Variants in DOCK9 observed in about 807,000 individuals in gnomAD.
DOCK9 encodes dedicator of cytokinesis 9.
Under a neutral mutation model 263.3 loss-of-function variants are expected in DOCK9, and 89 were observed. The ratio of observed to expected loss-of-function variants is 0.34; its 90% confidence interval spans 0.28 to 0.40. The LOEUF is 0.40. Among genes scored for constraint, DOCK9 ranks in the 10% least tolerant of loss-of-function variants. The probability of loss-of-function intolerance (pLI) is 1.00; values close to 1 mark genes in which losing one functional copy is unlikely to be tolerated. For missense variants in DOCK9, 2,140 were observed against 2,603.4 expected, an observed-to-expected ratio of 0.82 and a Z score of 3.87; for synonymous variants, 976 against 973.1, an observed-to-expected ratio of 1.00 and a Z score of -0.06.
chr13:98,890,874 G>T (rs1426916222), intron 15 of DOCK9, among the ~76,000 whole-genome samples: 5 of 152,100 alleles, frequency 3.3e-5, no homozygotes, highest in Non-Finnish European at 7.3e-5. Flanking sequence ...TTCTCTCAGG[G>T]TCCCTCCCTC....
chr13:98,910,308 G>C (rs1345023479), intron 9 of DOCK9, among the ~76,000 whole-genome samples: 1 of 152,140 alleles, frequency 6.6e-6, no homozygotes. Context: ...ATATTTATAA[G>C]ACTGATGCTA....
chr13:99,022,602 T>C (rs1886248284), intron 1 of DOCK9, among the ~76,000 whole-genome samples: 1 of 152,018 alleles, frequency 6.6e-6, no homozygotes, highest in African/African-American at 2.4e-5. Context: ...TCAAAAGAAA[T>C]GAGAGAATCT....
intron 1 of DOCK9, among the ~76,000 whole-genome samples, chr13:98,959,966 G>A (rs1209631032): frequency 1.3e-5 from 2 of 152,186 alleles, no homozygotes; most frequent in Admixed American, 1.3e-4. Flanking sequence ...TGGAGGCGGG[G>A]ACAGCCCACT....
intron 1 of DOCK9, among the ~76,000 whole-genome samples, chr13:99,023,308 T>C (rs1180913951): frequency 6.6e-6 from 1 of 152,238 alleles, no homozygotes; most frequent in African/African-American, 2.4e-5. Flanking sequence ...AGCCTTAAAA[T>C]GCAAGAAATT....
chr13:98,834,144 T>C (rs2092891621), intron 39 of DOCK9, among the ~76,000 whole-genome samples: 1 of 152,232 alleles, frequency 6.6e-6, no homozygotes, highest in African/African-American at 2.4e-5. Context: ...ACATGGTCTC[T>C]TATGGTGCTT....
At chr13:98,974,748 CAA>C (rs57196019) in intron 1 of DOCK9, among the ~76,000 whole-genome samples, 77 of 33,214 alleles carry the variant, frequency 2.3e-3, no homozygotes, top group African/African-American at 6.8e-3. Flanking sequence ...AACTCTGTCT[CAA>C]AAAAAAAAAA....
chr13:99,044,804 G>A (rs551482655), intron 1 of DOCK9, among the ~76,000 whole-genome samples: 1 of 152,230 alleles, frequency 6.6e-6, no homozygotes, highest in South Asian at 2.1e-4. Context: ...AAAACCAAAA[G>A]GACTGTCACC....
At chr13:98,963,819 G>A (rs1236478687) in intron 1 of DOCK9, among the ~76,000 whole-genome samples, 1 of 152,190 alleles carries the variant, frequency 6.6e-6, no homozygotes, top group East Asian at 1.9e-4. Flanking sequence ...ATGGCAGCTT[G>A]CAACAAAAAG....
intron 1 of DOCK9, among the ~76,000 whole-genome samples, chr13:98,994,125 T>C (rs1880452408): frequency 1.3e-5 from 2 of 152,266 alleles, no homozygotes; most frequent in South Asian, 2.1e-4. Context: ...GACTAGACTT[T>C]ATCTACTTTA....
At position 98,939,667 on chromosome 13, in the gene DOCK9, G is replaced by C. The variant is rs141909169; in HGVS notation, c.244-9410C>G. Among the ~76,000 whole-genome samples, 237 of 152,286 alleles carry C rather than the reference G, an allele frequency of 1.6e-3. 3 individuals are homozygous for C. The highest frequency in any genetic ancestry group is 5.3e-3 in the African/African-American group (222 of 41,574). ...CCAAAAAGCAAAGCCCAGGAGGTTC[G>C]AGCAAGACTGAGCTCTTCAGGAGCA... On this transcript the variant is annotated intron_variant, in intron 2 of 52. Transcript: ENST00000682017.
At chr13:98,804,884 G>C (rs2090508678) in intron 49 of DOCK9, 115 bp downstream of exon 49, 2 of 987,564 alleles carry the variant, frequency 2.0e-6, no homozygotes, top group Non-Finnish European at 1.5e-6. Context: ...AATGGGTGTG[G>C]GGGTGGCTAA....
intron 1 of DOCK9, among the ~76,000 whole-genome samples, chr13:99,058,185 G>A (rs935091833): frequency 7.0e-6 from 1 of 143,884 alleles, no homozygotes; most frequent in Non-Finnish European, 1.5e-5. Context: ...TTTTTTTTGA[G>A]ATGGAGTCTC....
intron 33 of DOCK9, 28 bp from the exon 34 acceptor site, chr13:98,856,059 G>A: frequency 6.2e-7 from 1 of 1,611,700 alleles, no homozygotes; most frequent in Non-Finnish European, 8.5e-7. Context: ...CAACAATAAA[G>A]TTTTATTAAG....
At chr13:98,796,112 A>G in intron 52 of DOCK9, 1 of 958,554 alleles carries the variant, frequency 1.0e-6, no homozygotes, top group Non-Finnish European at 1.6e-6. Flanking sequence ...ATGTACTGTC[A>G]TTATGCCAAT....
At chr13:98,814,247 G>A (rs1473162420) in intron 45 of DOCK9, among the ~76,000 whole-genome samples, 1 of 152,132 alleles carries the variant, frequency 6.6e-6, no homozygotes, top group Non-Finnish European at 1.5e-5. Flanking sequence ...TTATTAAAAG[G>A]TACATCAGTT....
chr13:98,964,722 C>T (rs1475254701), intron 1 of DOCK9, among the ~76,000 whole-genome samples: 1 of 152,072 alleles, frequency 6.6e-6, no homozygotes, highest in Non-Finnish European at 1.5e-5. Context: ...GGCTTGGGGT[C>T]CCAGGCTCCA....
chr13:98,972,705 T>TA (rs1201052177), intron 1 of DOCK9, among the ~76,000 whole-genome samples: 1 of 152,186 alleles, frequency 6.6e-6, no homozygotes, highest in South Asian at 2.1e-4. Context: ...TGTTAGCTGC[T>TA]AAAAAATCTG....
At chr13:99,082,132 T>C (rs983593002) in intron 1 of DOCK9, among the ~76,000 whole-genome samples, 1 of 151,842 alleles carries the variant, frequency 6.6e-6, no homozygotes, top group Non-Finnish European at 1.5e-5. Context: ...GGTAAGAGGA[T>C]TGCTTGTACC....
At chr13:98,962,651 AG>A (rs1291798891) in intron 1 of DOCK9, among the ~76,000 whole-genome samples, 4 of 143,578 alleles carry the variant, frequency 2.8e-5, no homozygotes, top group Non-Finnish European at 4.8e-5. Context: ...AAAAAAAAAA[AG>A]AAAAAAAAAC....
Sources: allele counts gnomAD v4.1 joint callset (sites outside exome capture counted in the v4.1 genomes callset), GRCh38; gene constraint gnomAD v4.1.1; transcripts MANE v1.5; gene names NCBI Gene and HGNC (gene_info 2026-07-23, HGNC 2026-07-21).